Variants in ZMYND11 observed in about 807,000 individuals in gnomAD.
ZMYND11 encodes zinc finger MYND domain-containing protein 11.
A neutral mutation model predicts 84.9 loss-of-function variants in ZMYND11; 9 were observed. The ratio of observed to expected loss-of-function variants is 0.11; its 90% CI spans 0.06 to 0.18. ZMYND11 has a LOEUF of 0.18. Among genes scored for constraint, ZMYND11 ranks in the 10% least tolerant of loss-of-function variants. The pLI, the probability that ZMYND11 is intolerant of heterozygous loss-of-function variation, is 1.00. For missense variants in ZMYND11, 409 were observed against 761.0 expected (o/e 0.54, Z 5.44); for synonymous variants, 250 against 244.1 (o/e 1.02, Z -0.23).
intron 4 of ZMYND11, among the ~76,000 whole-genome samples, chr10:235,256 C>T (rs1412183948): frequency 6.6e-6 from 1 of 152,194 alleles, no homozygotes; most frequent in Non-Finnish European, 1.5e-5. Flanking sequence ...TATCTCTCAA[C>T]AGTGCCTGTG....
At chr10:214,148 A>G (rs950450988) in intron 3 of ZMYND11, among the ~76,000 whole-genome samples, 1 of 152,176 alleles carries the variant, frequency 6.6e-6, no homozygotes, top group Non-Finnish European at 1.5e-5. Flanking sequence ...GTGATCATTC[A>G]TTTGGAGAAA....
chr10:191,910 G>A (rs1940537323), intron 2 of ZMYND11, among the ~76,000 whole-genome samples: 2 of 152,158 alleles, frequency 1.3e-5, no homozygotes, highest in African/African-American at 2.4e-5. Context: ...TGGCGAGACT[G>A]CACTGTAATA....
chr10:185,813 C>A (rs546773661), intron 2 of ZMYND11, among the ~76,000 whole-genome samples: 599 of 115,492 alleles, frequency 5.2e-3, no homozygotes, highest in South Asian at 6.9e-3. Context: ...AACTCCGTCT[C>A]AAAAAAACAA....
chr10:229,854 C>T (rs1948704979), intron 4 of ZMYND11, among the ~76,000 whole-genome samples: 1 of 152,042 alleles, frequency 6.6e-6, no homozygotes. Context: ...TGTGTAATTC[C>T]TTTATATTCC....
intron 4 of ZMYND11, among the ~76,000 whole-genome samples, chr10:225,030 T>G (rs1947859415): frequency 6.6e-6 from 1 of 151,626 alleles, no homozygotes; most frequent in Non-Finnish European, 1.5e-5. Context: ...CATACTCTTT[T>G]GTGAAAATTG....
chr10:201,623 TC>T (rs1943186353), intron 2 of ZMYND11, among the ~76,000 whole-genome samples: 1 of 67,464 alleles, frequency 1.5e-5, no homozygotes, highest in East Asian at 6.2e-4. Context: ...ATATATGTAT[TC>T]GTCTTGGAAC....
intron 1 of ZMYND11, among the ~76,000 whole-genome samples, chr10:155,703 G>T (rs1841538190): frequency 6.6e-6 from 1 of 152,072 alleles, no homozygotes; most frequent in Non-Finnish European, 1.5e-5. Context: ...TTTTGGCCAA[G>T]ATTTAAAAAA....
At chr10:237,212 C>G (rs1950138751) in intron 5 of ZMYND11, among the ~76,000 whole-genome samples, 1 of 152,108 alleles carries the variant, frequency 6.6e-6, no homozygotes, top group Non-Finnish European at 1.5e-5. Context: ...GATGATGACT[C>G]TTTAAAATGA....
rs147989820 is a variant in ZMYND11, at chr10:218,741, A to T, written c.277-2454A>T. ...ACTCAGGCTATCTCTAGAGTAGCTAATGACATCTGGGGGAACCAGTGAAAA... is the reference window on the plus strand; with the variant it reads ...ACTCAGGCTATCTCTAGAGTAGCTATTGACATCTGGGGGAACCAGTGAAAA... On this transcript the variant is annotated intron_variant, in intron 3 of 14. Coordinates refer to ENST00000381604, the MANE Select transcript of ZMYND11 (RefSeq NM_001370100.5). 5.1e-3 allele frequency among the ~76,000 whole-genome samples: 781 copies of T among 152,320 alleles called. 7 individuals are homozygous for T. The highest frequency in any genetic ancestry group is 0.018 in the African/African-American group (731 of 41,560).
rs1940567600 is a variant in ZMYND11 at position 192,005 on chromosome 10, G to A, written c.116+11877G>A. Among the ~76,000 whole-genome samples, 4 of 152,186 alleles carry A rather than the reference G, an allele frequency of 2.6e-5. 1 individual carries two copies. In the South Asian group the frequency reaches 8.3e-4, roughly 32 times the overall value. ...TTATTTACCCTCAAAACAACAGCATGGGGTTGACTTTACTAATTTTACTTC... is the reference window on the plus strand; with the variant it reads ...TTATTTACCCTCAAAACAACAGCATAGGGTTGACTTTACTAATTTTACTTC... On this transcript the variant is annotated intron_variant, in intron 2 of 14. Coordinates refer to ENST00000381604, the MANE Select transcript of ZMYND11 (RefSeq NM_001370100.5).
chr10:186,143 A>G (rs941750521), intron 2 of ZMYND11, among the ~76,000 whole-genome samples: 2 of 151,206 alleles, frequency 1.3e-5, no homozygotes, highest in African/African-American at 2.4e-5. Flanking sequence ...CAGAGTAGCT[A>G]GGACTACAGG....
At chr10:174,526 C>T (rs1423210466) in intron 1 of ZMYND11, among the ~76,000 whole-genome samples, 2 of 152,032 alleles carry the variant, frequency 1.3e-5, no homozygotes, top group African/African-American at 2.4e-5. Flanking sequence ...GTGGCACGTG[C>T]TTGTCATTCA....
At chr10:186,892 AAG>A (rs1938718347) in intron 2 of ZMYND11, among the ~76,000 whole-genome samples, 2 of 152,222 alleles carry the variant, frequency 1.3e-5, no homozygotes, top group Admixed American at 6.5e-5. Context: ...CTCCCCAAGA[AAG>A]AGAGTTCCGA....
rs778595502 is a variant in ZMYND11, at chr10:248,907, G to A, written c.1505G>A (p.Arg502His). Reference protein sequence around the residue: ...RVVREALEKLRSEMEEEKRQA... With the variant: ...RVVREALEKLHSEMEEEKRQA... ...TGGGTTGTCTTTTCATTCCAGCTGC[G>A]TTCTGAAATGGAAGAAGAAAAGAGA... Residue 502 changes from arginine (R) to histidine (H), a missense_variant, in exon 14 of 15, where the codon CGT becomes CAT. By Grantham distance (29) the Arg-to-His change is conservative. Transcript: ENST00000381604. 8.7e-6 allele frequency: 14 copies of A among 1,609,226 alleles called. No individual in the cohort carries two copies. Among genetic ancestry groups the A allele is most frequent in the African/African-American group, 1.3e-5 (1 of 74,826 alleles).
chr10:146,500 C>A (rs74611038), intron 1 of ZMYND11, among the ~76,000 whole-genome samples: 1 of 152,166 alleles, frequency 6.6e-6, no homozygotes, highest in Non-Finnish European at 1.5e-5. Flanking sequence ...AATCCATGAA[C>A]ATGGGATGTA....
chr10:179,719 G>A (rs2448364), intron 1 of ZMYND11, among the ~76,000 whole-genome samples: 53,768 of 152,020 alleles, frequency 0.35, 9,718 homozygotes, highest in Middle Eastern at 0.38. Flanking sequence ...TGCATTTTCT[G>A]AAAGTATATT....
chr10:166,240 G>A (rs1843991488), intron 1 of ZMYND11, among the ~76,000 whole-genome samples: 1 of 152,172 alleles, frequency 6.6e-6, no homozygotes, highest in Non-Finnish European at 1.5e-5. Context: ...AGAAAAAATA[G>A]TTAAGTTATA....
intron 2 of ZMYND11, among the ~76,000 whole-genome samples, chr10:190,684 A>G (rs1179489357): frequency 2.0e-5 from 3 of 152,194 alleles, no homozygotes; most frequent in African/African-American, 4.8e-5. Context: ...TCTTCTTTTC[A>G]TACCCAGCGT....
chr10:157,013 T>C (rs1841870332), intron 1 of ZMYND11, among the ~76,000 whole-genome samples: 2 of 152,158 alleles, frequency 1.3e-5, no homozygotes, highest in Non-Finnish European at 2.9e-5. Context: ...TAACTGAATT[T>C]TACAATTAAC....
Sources: gnomAD v4.1 joint callset for allele counts (sites outside exome capture counted in the v4.1 genomes callset) on GRCh38, gnomAD v4.1.1 for gene constraint, MANE v1.5 for transcripts, NCBI Gene and HGNC (gene_info 2026-07-23, HGNC 2026-07-21) for gene names.